Variants in FMN1 observed in about 807,000 individuals in gnomAD.
FMN1 encodes formin-1.
FMN1 carries 110 observed loss-of-function variants against 132.4 expected under a neutral mutation model. That is an observed-to-expected ratio of 0.83 (90% CI 0.71 to 0.97). FMN1 has a LOEUF of 0.97. Ranked by LOEUF, FMN1 falls within the 50% of genes least tolerant of loss-of-function variation. FMN1 has a pLI of 0.00. For missense variants in FMN1, 1,792 were observed against 1,705.3 expected (o/e 1.05, Z -0.90); for synonymous variants, 722 against 651.7 (o/e 1.11, Z -1.64).
At chr15:32,997,218 C>T (rs569554297) in intron 7 of FMN1, among the ~76,000 whole-genome samples, 8 of 152,160 alleles carry the variant, frequency 5.3e-5, no homozygotes, top group Admixed American at 2.0e-4. Flanking sequence ...TCCTTTCTTC[C>T]GTACCTCAGT....
chr15:32,997,858 G>A (rs2033868703), intron 7 of FMN1, among the ~76,000 whole-genome samples: 2 of 152,102 alleles, frequency 1.3e-5, no homozygotes, highest in African/African-American at 2.4e-5. Context: ...AAAGGGAAAG[G>A]GCAAGAGGGA....
chr15:32,769,646 GA>G lies in FMN1; in HGVS notation c.*4663del, dbSNP rs2056161145. On this transcript the variant is annotated 3_prime_UTR_variant, in exon 21 of 21. Coordinates refer to ENST00000616417, the MANE Select transcript of FMN1 (RefSeq NM_001277313.2). ...GCTGGATTGTTTCTCTCTATAGCTG[GA>G]AAATGGAAATATATCCAAGTTATTT... 1 of 118,644 alleles carries G rather than the reference GA, an allele frequency of 8.4e-6. No individual in the cohort carries two copies. The highest frequency in any genetic ancestry group is 1.9e-5 in the Non-Finnish European group (1 of 52,602). 7.3% of individuals were successfully genotyped at this position (118,644 alleles called of 1,614,324 possible). A position where few individuals can be genotyped will look rare whatever the true frequency, so the allele number is the denominator to read the frequency against.
chr15:32,807,033 G>C (rs2057706617), intron 17 of FMN1, among the ~76,000 whole-genome samples: 1 of 152,110 alleles, frequency 6.6e-6, no homozygotes, highest in Non-Finnish European at 1.5e-5. Context: ...TTCTGCTGTA[G>C]CCTTAATTGT....
At chr15:32,802,426 G>T (rs1357634367) in intron 18 of FMN1, among the ~76,000 whole-genome samples, 2 of 152,154 alleles carry the variant, frequency 1.3e-5, no homozygotes, top group African/African-American at 4.8e-5. Flanking sequence ...TGTTTCTCTT[G>T]AGAATAAAAC....
At chr15:33,017,048 A>C (rs1026809039) in intron 6 of FMN1, among the ~76,000 whole-genome samples, 1 of 151,944 alleles carries the variant, frequency 6.6e-6, no homozygotes, top group Non-Finnish European at 1.5e-5. Flanking sequence ...GGTCATCAAT[A>C]TTGGCATCTC....
chr15:32,796,142 G>A (rs1177338469), intron 19 of FMN1, among the ~76,000 whole-genome samples: 1 of 152,158 alleles, frequency 6.6e-6, no homozygotes, highest in African/African-American at 2.4e-5. Flanking sequence ...TCAAACTAAT[G>A]TGTACTCATG....
chr15:33,154,153 C>T lies in FMN1; in HGVS notation c.762G>A (p.Glu254=). 6.5e-7 allele frequency: 1 copy of T among 1,536,460 alleles called. No homozygotes were observed. Among genetic ancestry groups the T allele is most frequent in the Non-Finnish European group, 8.7e-7 (1 of 1,146,996 alleles). The part of the protein sequence containing the change: ...PDTDLGFGSF[E]TAFKDTGLGR... ...CAAGCCCAGTGTCCTTGAAAGCCGT[C>T]TCAAAGCTCCCAAAGCCAAGGTCTG... The change falls in exon 4 of 21, where the codon GAG becomes GAA. Residue 254 remains glutamate (E), a synonymous_variant. Transcript: ENST00000616417.
At chr15:32,801,141 G>A (rs773494763) in intron 18 of FMN1, among the ~76,000 whole-genome samples, 1 of 152,150 alleles carries the variant, frequency 6.6e-6, no homozygotes, top group African/African-American at 2.4e-5. Flanking sequence ...CAGTTTCAGA[G>A]AATGTCAAGA....
chr15:32,840,537 C>T (rs926258258), intron 17 of FMN1, among the ~76,000 whole-genome samples: 1 of 152,200 alleles, frequency 6.6e-6, no homozygotes, highest in African/African-American at 2.4e-5. Context: ...GCTTCAAAAA[C>T]AGAGTAGCTG....
chr15:32,985,879 C>T (rs1272303059), intron 7 of FMN1, among the ~76,000 whole-genome samples: 1 of 152,100 alleles, frequency 6.6e-6, no homozygotes, highest in Non-Finnish European at 1.5e-5. Flanking sequence ...ATGCACATCA[C>T]ATTTTAATTG....
chr15:32,908,453 C>T (rs2060478487), intron 12 of FMN1, 37 bp downstream of exon 12: 1 of 1,373,374 alleles, frequency 7.3e-7, no homozygotes, highest in African/African-American at 1.4e-5. Context: ...TTGCAGTTCT[C>T]CTTTTGGCCT....
intron 10 of FMN1, among the ~76,000 whole-genome samples, chr15:32,920,003 G>C (rs1453155292): frequency 6.6e-6 from 1 of 152,120 alleles, no homozygotes; most frequent in Admixed American, 6.5e-5. Flanking sequence ...CTGACGTTCT[G>C]AACTAGTAAG....
intron 19 of FMN1, among the ~76,000 whole-genome samples, chr15:32,798,180 ACACACACAC>A (rs2057353256): frequency 8.7e-5 from 13 of 149,068 alleles, no homozygotes; most frequent in East Asian, 4.0e-4. Flanking sequence ...AGGAAAACGC[ACACACACAC>A]ACACACACAC....
At chr15:32,882,767 C>T (rs1466344163) in intron 16 of FMN1, among the ~76,000 whole-genome samples, 3 of 152,046 alleles carry the variant, frequency 2.0e-5, no homozygotes, top group Non-Finnish European at 4.4e-5. Context: ...AAGTATTGGG[C>T]CTCCTGAATT....
chr15:32,844,342 T>C (rs1156959729), intron 17 of FMN1, among the ~76,000 whole-genome samples: 1 of 152,180 alleles, frequency 6.6e-6, no homozygotes, highest in East Asian at 1.9e-4. Flanking sequence ...GGTGGTAATA[T>C]TGTTGATTTT....
Position 32,774,371 on chromosome 15 carries a change from A to C in FMN1, c.4216-17T>G, listed in dbSNP as rs1360288781. ...TCTTTCTTTCTGTTAAGGAAAAAAA[A>C]ATGAATGTATCATTTTCTTTCATCT... is the stretch of plus-strand genomic sequence containing the variant. On this transcript the variant is annotated splice_polypyrimidine_tract_variant and intron_variant, in intron 20 of 20. Transcript: ENST00000616417. 2 of 1,570,858 alleles carry C rather than the reference A, an allele frequency of 1.3e-6. No individual in the cohort carries two copies. The highest frequency in any genetic ancestry group is 2.4e-5 in the South Asian group (2 of 84,656).
At chr15:33,133,450 A>G (rs534809302) in intron 4 of FMN1, among the ~76,000 whole-genome samples, 2 of 152,344 alleles carry the variant, frequency 1.3e-5, no homozygotes, top group South Asian at 4.1e-4. Context: ...GAACAGGGCC[A>G]TAGAAACTGT....
chr15:32,864,768 A>G (rs1057268091), intron 16 of FMN1, among the ~76,000 whole-genome samples: 6 of 152,184 alleles, frequency 3.9e-5, no homozygotes, highest in African/African-American at 1.2e-4. Context: ...CTACACATAC[A>G]TAGTGTCTAT....
At chr15:32,818,383 A>G (rs2058113618) in intron 17 of FMN1, among the ~76,000 whole-genome samples, 1 of 152,188 alleles carries the variant, frequency 6.6e-6, no homozygotes, top group Non-Finnish European at 1.5e-5. Flanking sequence ...TCATGAAAGC[A>G]TTTCAGAATA....
Sources: gnomAD v4.1 joint callset for allele counts (sites outside exome capture counted in the v4.1 genomes callset) on GRCh38, gnomAD v4.1.1 for gene constraint, MANE v1.5 for transcripts, NCBI Gene and HGNC (gene_info 2026-07-23, HGNC 2026-07-21) for gene names.